ADCY9: variants seen among roughly 807,000 people sequenced by gnomAD.
ADCY9 encodes the protein adenylate cyclase type 9.
A neutral mutation model predicts 101.5 loss-of-function variants in ADCY9; 50 were observed. The observed-to-expected ratio is 0.49, with a 90% CI of 0.39 to 0.62. The LOEUF (loss-of-function observed/expected upper bound fraction) is 0.62, where lower values mean the gene tolerates loss of function less well. Ranked by LOEUF, ADCY9 falls within the 20% of genes least tolerant of loss-of-function variation. The probability of loss-of-function intolerance (pLI) is 0.00; values close to 1 mark genes in which losing one functional copy is unlikely to be tolerated. For synonymous variants in ADCY9, 905 were observed against 769.3 expected (o/e 1.18, Z -2.92); for missense variants, 1,662 against 1,800.4 (o/e 0.92, Z 1.39).
rs556897669 is a variant in ADCY9 at position 3,965,369 on chromosome 16, A to G, written c.*406T>C. Reference sequence around the variant, plus strand: ...AACTCAAAAACAGGGTATTAGCCAGAGAACCGAAAATAGTGTCTCGTGGGA... The same window carrying G: ...AACTCAAAAACAGGGTATTAGCCAGGGAACCGAAAATAGTGTCTCGTGGGA... On this transcript the variant is annotated 3_prime_UTR_variant, in exon 11 of 11. Coordinates refer to ENST00000294016, the MANE Select transcript of ADCY9 (RefSeq NM_001116.4). The G allele has an allele frequency of 9.0e-6, 2 of 222,902 alleles. No individual in the cohort carries two copies. Among genetic ancestry groups the G allele is most frequent in the African/African-American group, 2.3e-5 (1 of 43,720 alleles). 13.8% of individuals were successfully genotyped at this position (222,902 alleles called of 1,614,324 possible). A position where few individuals can be genotyped will look rare whatever the true frequency, so the allele number is the denominator to read the frequency against.
intron 2 of ADCY9, among the ~76,000 whole-genome samples, chr16:4,050,320 G>A (rs559632061): frequency 5.3e-5 from 8 of 152,312 alleles, no homozygotes; most frequent in Admixed American, 5.2e-4. Flanking sequence ...ACATAGATAC[G>A]AGCGGGACAG....
intron 7 of ADCY9, among the ~76,000 whole-genome samples, chr16:3,979,561 G>A (rs964178081): frequency 3.3e-5 from 5 of 152,252 alleles, no homozygotes; most frequent in Admixed American, 2.0e-4. Flanking sequence ...GAACACGTGA[G>A]AGTATCACAG....
Position 4,114,823 on chromosome 16 carries a change from A to T in ADCY9, c.620T>A (p.Leu207His). 1 of 1,613,480 alleles carries T rather than the reference A, an allele frequency of 6.2e-7. No homozygotes were observed. Among genetic ancestry groups the T allele is most frequent in the Non-Finnish European group, 8.5e-7 (1 of 1,180,048 alleles). Residue 207 changes from leucine to histidine, a missense_variant, in exon 2 of 11, where the codon CTT (leucine) becomes CAT (histidine). Physicochemically the swap from Leu to His is moderately conservative, Grantham distance 99. Transcript: ENST00000294016. This position sits in a 1 kb window ranked among gnomAD's most constrained non-coding sequence, Gnocchi z 4.3. ...ATCTGTGGGCCGGGCTGTGGCCGTAAGGTTGGAGCTGTCGCCGCGTCCTGA... is the reference window on the plus strand; with the variant it reads ...ATCTGTGGGCCGGGCTGTGGCCGTATGGTTGGAGCTGTCGCCGCGTCCTGA... Reference protein sequence around the residue: ...PVSGRGDSSNLTATARPTDTC... With the variant: ...PVSGRGDSSNHTATARPTDTC...
chr16:3,961,571 G>A (rs997231376), downstream of ADCY9, among the ~76,000 whole-genome samples: 3 of 152,080 alleles, frequency 2.0e-5, no homozygotes, highest in Non-Finnish European at 4.4e-5. Context: ...GGAGGAGAGT[G>A]ACCTCATCAA....
chr16:4,098,037 G>A (rs890005390), intron 2 of ADCY9, among the ~76,000 whole-genome samples: 4 of 152,052 alleles, frequency 2.6e-5, no homozygotes, highest in African/African-American at 9.7e-5. Flanking sequence ...GATGCAAGCT[G>A]GAAAAGAGAG....
chr16:4,098,113 T>C (rs1485280747), intron 2 of ADCY9, among the ~76,000 whole-genome samples: 1 of 151,954 alleles, frequency 6.6e-6, no homozygotes, highest in Non-Finnish European at 1.5e-5. Flanking sequence ...ATTCCTGGAG[T>C]TGGGCCTTCT....
intron 2 of ADCY9, among the ~76,000 whole-genome samples, chr16:4,068,390 G>A (rs17136757): frequency 0.17 from 26,043 of 151,336 alleles, 2,415 homozygotes; most frequent in African/African-American, 0.24. Flanking sequence ...AAGAACACGC[G>A]CTATATATAA....
At position 4,021,744 on chromosome 16, in the gene ADCY9, G is replaced by T. The variant is rs143740973; in HGVS notation, c.1694-14186C>A. Among the ~76,000 whole-genome samples, 523 of 152,282 alleles carry T rather than the reference G, an allele frequency of 3.4e-3. 4 individuals carry two copies. The highest frequency in any genetic ancestry group is 0.012 in the African/African-American group (506 of 41,542). On this transcript the variant is annotated intron_variant, in intron 2 of 10. Coordinates refer to ENST00000294016, the MANE Select transcript of ADCY9 (RefSeq NM_001116.4). ...CCCTTATTGCCGACATCCATTCTGGGTTTTTACTGCGCTTCACACGAGGAC... is the reference window on the plus strand; with the variant it reads ...CCCTTATTGCCGACATCCATTCTGGTTTTTTACTGCGCTTCACACGAGGAC...
intron 10 of ADCY9, among the ~76,000 whole-genome samples, chr16:3,969,569 A>AATACATATATATATATATAT (rs1451993942): frequency 2.2e-5 from 1 of 45,228 alleles, no homozygotes; most frequent in Non-Finnish European, 4.4e-5. Flanking sequence ...GTTTGTTTGA[A>AATACATATATATATATATAT]ATATATATAT....
intron 6 of ADCY9, among the ~76,000 whole-genome samples, chr16:3,987,531 G>T (rs915483944): frequency 2.0e-5 from 3 of 152,196 alleles, no homozygotes; most frequent in Non-Finnish European, 2.9e-5. Flanking sequence ...CTACAGCATT[G>T]CTATGAGCAT....
At chr16:3,959,887 G>A (rs549552644), downstream of ADCY9, among the ~76,000 whole-genome samples, 107 of 151,982 alleles carry the variant, frequency 7.0e-4, no homozygotes, top group Middle Eastern at 3.4e-3. Context: ...TTAGCTAGGC[G>A]TGGTGGCGCA....
chr16:4,070,432 C>A (rs763604892), intron 2 of ADCY9, among the ~76,000 whole-genome samples: 2 of 152,078 alleles, frequency 1.3e-5, no homozygotes, highest in Non-Finnish European at 2.9e-5. Flanking sequence ...ATGTTATAAA[C>A]CTTATATAAT....
At position 4,114,842 on chromosome 16, in the gene ADCY9, G is replaced by A. The variant is rs1270666820; in HGVS notation, c.601C>T (p.Arg201Cys). Reference protein sequence around the residue: ...QFQVLTPVSGRGDSSNLTATA... With the variant: ...QFQVLTPVSGCGDSSNLTATA... Reference sequence around the variant, plus strand: ...GCCGTAAGGTTGGAGCTGTCGCCGCGTCCTGAGACAGGCGTCAAGACCTGG... The same window carrying A: ...GCCGTAAGGTTGGAGCTGTCGCCGCATCCTGAGACAGGCGTCAAGACCTGG... Residue 201 changes from arginine to cysteine, a missense_variant, in exon 2 of 11, where the codon CGC becomes TGC. Arg to Cys is a radical substitution (Grantham distance 180). This residue lies in a region of ADCY9 where 422 missense variants were observed against 392.0 expected (regional missense o/e 1.08). Coordinates refer to ENST00000294016, the MANE Select transcript of ADCY9 (RefSeq NM_001116.4). This position sits in a 1 kb window ranked among gnomAD's most constrained non-coding sequence, Gnocchi z 4.3. The A allele has an allele frequency of 6.8e-6, 11 of 1,613,458 alleles. No individual in the cohort carries two copies. Among genetic ancestry groups the A allele is most frequent in the East Asian group, 4.5e-5 (2 of 44,904 alleles).
chr16:4,072,355 T>C (rs974593411), intron 2 of ADCY9, among the ~76,000 whole-genome samples: 2 of 152,250 alleles, frequency 1.3e-5, no homozygotes, highest in African/African-American at 2.4e-5. Flanking sequence ...TTCCAGCTTA[T>C]GCGCTGTTCC....
At chr16:4,059,888 G>T (rs541754628) in intron 2 of ADCY9, among the ~76,000 whole-genome samples, 10 of 152,286 alleles carry the variant, frequency 6.6e-5, no homozygotes, top group Non-Finnish European at 1.3e-4. Context: ...ACAGAGGAAG[G>T]CCTCATCTCA....
In ADCY9 at chr16:4,015,434, G is replaced by T. The variant is rs528817643; in HGVS notation, c.1694-7876C>A. The T allele has an allele frequency of 5.3e-4, 81 of 151,676 alleles. 1 individual carries two copies. The highest frequency in any genetic ancestry group is 6.9e-4 in the Non-Finnish European group (47 of 67,696). The allele number at this position is 151,676 out of a possible 1,614,324, so 9.4% of individuals were successfully genotyped here. A position where few individuals can be genotyped will look rare whatever the true frequency, so the allele number is the denominator to read the frequency against. ...AGACTGTAGAAATGAGTCTCTGAGAGACGACACCCAGCACACCCAGCACAC... is the reference window on the plus strand; with the variant it reads ...AGACTGTAGAAATGAGTCTCTGAGATACGACACCCAGCACACCCAGCACAC... On this transcript the variant is annotated intron_variant, in intron 2 of 10. Coordinates refer to ENST00000294016, the MANE Select transcript of ADCY9 (RefSeq NM_001116.4).
In ADCY9 at chr16:3,963,429, C is replaced by T. The variant is rs1003052432; in HGVS notation, c.*2346G>A. The T allele has an allele frequency of 3.0e-5, 12 of 397,956 alleles. 1 individual carries two copies. The highest frequency in any genetic ancestry group is 7.1e-5 in the East Asian group (2 of 28,012). The allele number at this position is 397,956 out of a possible 1,614,324, so 24.7% of individuals were successfully genotyped here. On this transcript the variant is annotated 3_prime_UTR_variant, in exon 11 of 11. Transcript: ENST00000294016. ...CTGAGGTATGCATCGGAGCAGGGGA[C>T]GGGGAGGACCCGAGGGGCTTCGTGG...
chr16:4,013,222 T>C (rs2056415119), intron 2 of ADCY9, among the ~76,000 whole-genome samples: 1 of 148,838 alleles, frequency 6.7e-6, no homozygotes, highest in East Asian at 2.0e-4. Context: ...CACTCCAGCC[T>C]GGGCAAGAGA....
At chr16:4,109,554 C>A (rs965216328) in intron 2 of ADCY9, among the ~76,000 whole-genome samples, 6 of 152,194 alleles carry the variant, frequency 3.9e-5, no homozygotes, top group African/African-American at 1.2e-4. Context: ...AAAGGCCCCT[C>A]ACCCATTCCT....
Sources: gnomAD v4.1 joint callset for allele counts (sites outside exome capture counted in the v4.1 genomes callset) on GRCh38, gnomAD v4.1.1 for gene constraint, gnomAD v4.1.1 regional missense constraint, Gnocchi (gnomAD v3.1) non-coding constraint, MANE v1.5 for transcripts, NCBI Gene and HGNC (gene_info 2026-07-23, HGNC 2026-07-21) for gene names.